Variants in GRPR observed in about 807,000 individuals in gnomAD.
The protein encoded by GRPR is gastrin-releasing peptide receptor.
In GRPR, 4 loss-of-function variants were observed where a neutral mutation model predicts 15.6. The ratio of observed to expected loss-of-function variants is 0.26; its 90% CI spans 0.13 to 0.59. The LOEUF (loss-of-function observed/expected upper bound fraction) is 0.59. Ranked by LOEUF, GRPR falls within the 20% of genes least tolerant of loss-of-function variation. The pLI is 0.90. For synonymous variants in GRPR, 128 were observed against 126.8 expected (o/e 1.01, Z -0.06); for missense variants, 270 against 304.1 (o/e 0.89, Z 0.83).
intron 1 of GRPR, among the ~76,000 whole-genome samples, chrX:16,144,489 C>T (rs1157429295): frequency 9.0e-6 from 1 of 111,484 alleles, no homozygotes; most frequent in African/African-American, 3.3e-5. Context: ...TACAGACTTC[C>T]GTAGGTAATT....
At chrX:16,126,926 A>G (rs1246998400) in intron 1 of GRPR, among the ~76,000 whole-genome samples, 2 of 111,865 alleles carry the variant, frequency 1.8e-5, no homozygotes, top group Non-Finnish European at 3.8e-5. Flanking sequence ...TTGGGGAAAC[A>G]TAAGTGTTTA....
At chrX:16,129,266 T>A (rs1431233268) in intron 1 of GRPR, among the ~76,000 whole-genome samples, 1 of 112,680 alleles carries the variant, frequency 8.9e-6, no homozygotes, top group African/African-American at 3.2e-5. Context: ...ATAACATGGT[T>A]TGTAGCTTTC....
intron 1 of GRPR, among the ~76,000 whole-genome samples, chrX:16,138,964 G>A (rs775838874): frequency 9.0e-6 from 1 of 111,602 alleles, no homozygotes; most frequent in East Asian, 2.8e-4. Context: ...ATCACATTTA[G>A]TACATCACTA....
intron 1 of GRPR, among the ~76,000 whole-genome samples, chrX:16,128,099 T>G (rs1479229057): frequency 8.9e-6 from 1 of 112,709 alleles, no homozygotes; most frequent in Admixed American, 9.4e-5. Flanking sequence ...CAAGTTTTCT[T>G]GTGCCAAATG....
At chrX:16,126,620 A>T (rs1922296596) in intron 1 of GRPR, among the ~76,000 whole-genome samples, 1 of 112,027 alleles carries the variant, frequency 8.9e-6, no homozygotes, top group African/African-American at 3.2e-5. Context: ...TACAGAGGCA[A>T]TCACTATTCT....
intron 1 of GRPR, among the ~76,000 whole-genome samples, chrX:16,149,147 G>A (rs1048846738): frequency 3.6e-5 from 4 of 111,911 alleles, no homozygotes; most frequent in African/African-American, 1.3e-4. Context: ...TAGGCTTCCT[G>A]TTGGGCTAGC....
At chrX:16,129,105 C>T (rs1922339787) in intron 1 of GRPR, among the ~76,000 whole-genome samples, 1 of 111,676 alleles carries the variant, frequency 9.0e-6, no homozygotes, top group Non-Finnish European at 1.9e-5. Flanking sequence ...TATGGCGGTT[C>T]CACTGTAACA....
chrX:16,152,456 C>G lies in GRPR; in HGVS notation c.966C>G (p.Leu322=), dbSNP rs149264688. ...FTNSCVNPFA[L]YLLSKSFRKQ... is the part of the protein sequence containing the mutation. ...ACTCCTGCGTGAACCCCTTTGCCCT[C>G]TACCTGCTGAGCAAGAGTTTCAGGA... Residue 322 remains leucine (L), a synonymous_variant, in exon 3 of 3, where the codon CTC becomes CTG. Transcript: ENST00000380289. 6.9e-5 allele frequency: 83 copies of G among 1,208,258 alleles called. No homozygotes were observed. In the African/African-American group the frequency reaches 1.3e-3, roughly 19 times the overall value.
At chrX:16,138,729 G>A (rs1421203467) in intron 1 of GRPR, among the ~76,000 whole-genome samples, 2 of 110,558 alleles carry the variant, frequency 1.8e-5, no homozygotes, top group African/African-American at 6.6e-5. Flanking sequence ...AATTGTACTG[G>A]GGTAAAATAT....
intron 1 of GRPR, among the ~76,000 whole-genome samples, chrX:16,128,251 G>A (rs911154372): frequency 3.6e-5 from 4 of 112,132 alleles, no homozygotes; most frequent in Admixed American, 2.8e-4. Context: ...GCAGTGGCTC[G>A]CGCCTGTAAT....
chrX:16,129,879 A>C (rs1444238266), intron 1 of GRPR, among the ~76,000 whole-genome samples: 1 of 111,092 alleles, frequency 9.0e-6, no homozygotes, highest in Non-Finnish European at 1.9e-5. Flanking sequence ...CTGTCCCAAG[A>C]CTTGCCAGAA....
chrX:16,141,226 A>G lies in GRPR; in HGVS notation c.414-9079A>G, dbSNP rs1347767480. On this transcript the variant is annotated intron_variant, in intron 1 of 2. Coordinates refer to ENST00000380289, the MANE Select transcript of GRPR (RefSeq NM_005314.3). ...ATACCTTTCTGATGGGCTCCCTTAC[A>G]GGATTAGCATTGAGCTTTGAAATTG... is the stretch of plus-strand genomic sequence containing the variant. 2.7e-5 allele frequency among the ~76,000 whole-genome samples: 3 copies of G among 112,088 alleles called. No homozygotes were observed. In the East Asian group the frequency reaches 8.4e-4, roughly 31 times the overall value.
chrX:16,128,236 C>T (rs375796077), intron 1 of GRPR, among the ~76,000 whole-genome samples: 2 of 112,235 alleles, frequency 1.8e-5, no homozygotes, highest in East Asian at 2.8e-4. Context: ...ATGTATTGGC[C>T]GGGCGCAGTG....
chrX:16,141,570 C>T (rs1922531400), intron 1 of GRPR, among the ~76,000 whole-genome samples: 1 of 111,836 alleles, frequency 8.9e-6, no homozygotes, highest in African/African-American at 3.3e-5. Flanking sequence ...CTGCTCTAGG[C>T]CTCAGGCCAT....
intron 1 of GRPR, among the ~76,000 whole-genome samples, chrX:16,147,066 C>T (rs1308624302): frequency 3.6e-5 from 4 of 111,383 alleles, no homozygotes; most frequent in African/African-American, 1.3e-4. Flanking sequence ...GGATTTCTTT[C>T]GTTTATTTGC....
In GRPR at chrX:16,136,552, G is replaced by T. The variant is rs142350508; in HGVS notation, c.413+12186G>T. 5.8e-3 allele frequency among the ~76,000 whole-genome samples: 646 copies of T among 112,150 alleles called. 7 individuals are homozygous for T. Among genetic ancestry groups the T allele is most frequent in the African/African-American group, 0.019 (589 of 30,913 alleles). ...CAACGACAGGGGTCAGTGGCCTATT[G>T]TCTTCATTATCACAAATTAATAAGT... On this transcript the variant is annotated intron_variant, in intron 1 of 2. Coordinates refer to ENST00000380289, the MANE Select transcript of GRPR (RefSeq NM_005314.3).
intron 1 of GRPR, among the ~76,000 whole-genome samples, chrX:16,148,524 G>A (rs1295648460): frequency 9.0e-6 from 1 of 111,484 alleles, no homozygotes; most frequent in African/African-American, 3.3e-5. Context: ...GTGGAAATAA[G>A]TATTCCCCTT....
intron 1 of GRPR, among the ~76,000 whole-genome samples, chrX:16,130,989 G>C (rs1361002331): frequency 8.9e-6 from 1 of 112,097 alleles, no homozygotes; most frequent in Non-Finnish European, 1.9e-5. Flanking sequence ...GAGAGGAGAA[G>C]GGCAGCAAAG....
At chrX:16,144,909 C>T (rs900301190) in intron 1 of GRPR, among the ~76,000 whole-genome samples, 3 of 111,682 alleles carry the variant, frequency 2.7e-5, no homozygotes, top group African/African-American at 9.7e-5. Context: ...AAGTATTTGC[C>T]GAGTCCCTAC....
Sources: gnomAD v4.1 joint callset for allele counts (sites outside exome capture counted in the v4.1 genomes callset) on GRCh38, gnomAD v4.1.1 for gene constraint, MANE v1.5 for transcripts, NCBI Gene and HGNC (gene_info 2026-07-23, HGNC 2026-07-21) for gene names.